DLGAP2: variants seen among roughly 807,000 people sequenced by gnomAD.
DLGAP2 encodes the protein disks large-associated protein 2.
Under a neutral mutation model 100.3 loss-of-function variants are expected in DLGAP2, and 26 were observed. The observed-to-expected ratio is 0.26, with a 90% CI of 0.19 to 0.36. The LOEUF (loss-of-function observed/expected upper bound fraction) is 0.36. Ranked by LOEUF, DLGAP2 falls within the 10% of genes least tolerant of loss-of-function variation. The probability of loss-of-function intolerance (pLI) is 1.00; values close to 1 mark genes in which losing one functional copy is unlikely to be tolerated. For synonymous variants in DLGAP2, 886 were observed against 630.1 expected, an observed-to-expected ratio of 1.41 and a Z score of -6.08; for missense variants, 1,858 against 1,453.2, an observed-to-expected ratio of 1.28 and a Z score of -4.53.
At chr8:1,526,583 A>G (rs1009064315) in intron 4 of DLGAP2, among the ~76,000 whole-genome samples, 3 of 152,194 alleles carry the variant, frequency 2.0e-5, no homozygotes, top group African/African-American at 7.2e-5. Context: ...CCCGAGGAGG[A>G]CGGTGGTGAG....
At chr8:1,246,521 T>G (rs575012412) in intron 2 of DLGAP2, among the ~76,000 whole-genome samples, 2 of 152,374 alleles carry the variant, frequency 1.3e-5, no homozygotes, top group South Asian at 2.1e-4. Context: ...GAATTCATCA[T>G]GCTCTTCTGC....
At chr8:1,049,543 T>C (rs1802612504) in intron 2 of DLGAP2, among the ~76,000 whole-genome samples, 1 of 152,198 alleles carries the variant, frequency 6.6e-6, no homozygotes, top group South Asian at 2.1e-4. Flanking sequence ...ATATTGTTTA[T>C]GTTATAAAAG....
At chr8:1,077,675 T>C (rs73180692) in intron 2 of DLGAP2, among the ~76,000 whole-genome samples, 4 of 152,354 alleles carry the variant, frequency 2.6e-5, no homozygotes, top group African/African-American at 7.2e-5. Context: ...CTAAGTTTTA[T>C]ACTAAGAATG....
chr8:1,330,795 T>A (rs1199342722), intron 3 of DLGAP2, among the ~76,000 whole-genome samples: 1 of 137,344 alleles, frequency 7.3e-6, no homozygotes. Flanking sequence ...GGAGCACTGC[T>A]TCACGGGGAC....
At chr8:805,609 A>G (rs1336246535) in intron 1 of DLGAP2, among the ~76,000 whole-genome samples, 4 of 151,504 alleles carry the variant, frequency 2.6e-5, no homozygotes, top group Non-Finnish European at 4.4e-5. Context: ...CCGTCCTATA[A>G]TTTTTTTTTC....
intron 2 of DLGAP2, among the ~76,000 whole-genome samples, chr8:1,033,788 C>G (rs1168470579): frequency 6.7e-6 from 1 of 149,446 alleles, no homozygotes; most frequent in African/African-American, 2.5e-5. Context: ...GGTTCACACG[C>G]TCATCCCGAC....
At chr8:1,173,823 A>G (rs1407485624) in intron 2 of DLGAP2, among the ~76,000 whole-genome samples, 1 of 152,122 alleles carries the variant, frequency 6.6e-6, no homozygotes, top group Non-Finnish European at 1.5e-5. Flanking sequence ...TCTCTGACCC[A>G]TTGCGCTTCC....
chr8:1,663,355 C>T lies in DLGAP2; in HGVS notation c.1811-4974C>T, dbSNP rs368984693. On this transcript the variant is annotated intron_variant, in intron 8 of 14. Transcript: ENST00000637795. The stretch of plus-strand genomic sequence containing the variant: ...TTCTTCTCTCCTTTGATGGTGGAGT[C>T]GGCCAGTGCTGTTTGGGGACCCGGT... Among the ~76,000 whole-genome samples, 6 of 152,170 alleles carry T rather than the reference C, an allele frequency of 3.9e-5. No homozygotes were observed. In the East Asian group the frequency reaches 5.8e-4, roughly 15 times the overall value.
intron 3 of DLGAP2, among the ~76,000 whole-genome samples, chr8:1,331,947 G>A (rs375079202): frequency 3.3e-5 from 5 of 152,166 alleles, no homozygotes; most frequent in Non-Finnish European, 1.5e-5. Context: ...CACTGGGGAG[G>A]GCACAGCCAC....
intron 2 of DLGAP2, among the ~76,000 whole-genome samples, chr8:997,914 A>G (rs1488803048): frequency 2.0e-5 from 3 of 152,110 alleles, no homozygotes; most frequent in Non-Finnish European, 4.4e-5. Flanking sequence ...GCATGCATAC[A>G]AACATGCACA....
At position 1,312,340 on chromosome 8, in the gene DLGAP2, C is replaced by G. The variant is rs1042839422; in HGVS notation, c.106+53457C>G. ...GGAAAGAACAGATTGAGTGATTGGA[C>G]TTCATTAAAATTTAAAACTTCTGCT... On this transcript the variant is annotated intron_variant, in intron 3 of 14. Coordinates refer to ENST00000637795, the MANE Select transcript of DLGAP2 (RefSeq NM_001346810.2). Among the ~76,000 whole-genome samples, 4 of 152,324 alleles carry G rather than the reference C, an allele frequency of 2.6e-5. No homozygotes were observed. In the East Asian group the frequency reaches 5.8e-4, roughly 22 times the overall value.
At chr8:747,641 G>A (rs1490116993) in intron 1 of DLGAP2, among the ~76,000 whole-genome samples, 5 of 130,068 alleles carry the variant, frequency 3.8e-5, no homozygotes, top group African/African-American at 1.5e-4. Flanking sequence ...GGGGCTCCAG[G>A]ATGGGGCAGG....
chr8:996,312 T>C (rs750020637), intron 2 of DLGAP2, among the ~76,000 whole-genome samples: 3 of 152,172 alleles, frequency 2.0e-5, no homozygotes, highest in Non-Finnish European at 4.4e-5. Flanking sequence ...TCCTGTCGTT[T>C]AGAGACTACA....
At chr8:1,543,103 G>C (rs1391472428) in intron 4 of DLGAP2, among the ~76,000 whole-genome samples, 1 of 152,198 alleles carries the variant, frequency 6.6e-6, no homozygotes, top group African/African-American at 2.4e-5. Context: ...CTGGATTCAA[G>C]TTCCTTCACA....
At chr8:1,186,059 G>A (rs575350621) in intron 2 of DLGAP2, among the ~76,000 whole-genome samples, 1 of 152,298 alleles carries the variant, frequency 6.6e-6, no homozygotes, top group African/African-American at 2.4e-5. Flanking sequence ...GCGGGCTCTG[G>A]AGACAGCCCC....
chr8:1,385,929 G>A lies in DLGAP2; in HGVS notation c.107-115437G>A, dbSNP rs146282229. Among the ~76,000 whole-genome samples, 1,058 of 152,324 alleles carry A rather than the reference G, an allele frequency of 6.9e-3. 10 individuals carry two copies. The highest frequency in any genetic ancestry group is 0.024 in the African/African-American group (996 of 41,568). On this transcript the variant is annotated intron_variant, in intron 3 of 14. Transcript: ENST00000637795. ...ACAGTTACCCTTCTCCGGGAGCCAC[G>A]ACAACCTAGCCAGCAGCACCCACAG...
chr8:1,499,742 A>G (rs1411615534), intron 3 of DLGAP2, among the ~76,000 whole-genome samples: 3 of 152,216 alleles, frequency 2.0e-5, no homozygotes, highest in East Asian at 3.8e-4. Flanking sequence ...TAACTGGGAG[A>G]TCCCATGAAA....
chr8:1,503,927 T>C (rs1393185667), intron 4 of DLGAP2, among the ~76,000 whole-genome samples: 1 of 152,122 alleles, frequency 6.6e-6, no homozygotes, highest in Non-Finnish European at 1.5e-5. Flanking sequence ...GCTGTAGCCA[T>C]CTGGTGAGCC....
intron 2 of DLGAP2, among the ~76,000 whole-genome samples, chr8:1,084,357 A>G (rs553981650): frequency 1.2e-4 from 18 of 152,348 alleles, no homozygotes; most frequent in Admixed American, 2.6e-4. Context: ...TAACATATCC[A>G]TTACCTCACA....
Sources: gnomAD v4.1 joint callset for allele counts (sites outside exome capture counted in the v4.1 genomes callset) on GRCh38, gnomAD v4.1.1 for gene constraint, MANE v1.5 for transcripts, NCBI Gene and HGNC (gene_info 2026-07-23, HGNC 2026-07-21) for gene names.